The following CSGALNACT1 variants were observed in gnomAD, a reference collection of about 807,000 sequenced individuals.
CSGALNACT1 encodes beta4GalNAcT-1.
In CSGALNACT1, 52 loss-of-function variants were observed where a neutral mutation model predicts 51.0. The observed-to-expected ratio is 1.02, with a 90% confidence interval of 0.82 to 1.29. The LOEUF is 1.29. CSGALNACT1 is among the 50% of genes most tolerant of loss of function. The probability of loss-of-function intolerance (pLI) is 0.00; values close to 1 mark genes in which losing one functional copy is unlikely to be tolerated. For synonymous variants in CSGALNACT1, 341 were observed against 254.4 expected (o/e 1.34, Z -3.24); for missense variants, 935 against 679.2 (o/e 1.38, Z -4.19).
chr8:19,675,646 C>T (rs2060121693), intron 1 of CSGALNACT1, among the ~76,000 whole-genome samples: 1 of 152,118 alleles, frequency 6.6e-6, no homozygotes, highest in Non-Finnish European at 1.5e-5. Context: ...GCACGTGCCA[C>T]CACATCCAGC....
chr8:19,682,924 T>TTACC (rs1191846418), upstream of CSGALNACT1: 4 of 339,862 alleles, frequency 1.2e-5, no homozygotes, highest in Non-Finnish European at 5.9e-6. Context: ...GAAATCCCAA[T>TTACC]TACCTGTACT....
chr8:19,626,473 A>G (rs2054471412), intron 1 of CSGALNACT1, among the ~76,000 whole-genome samples: 1 of 152,212 alleles, frequency 6.6e-6, no homozygotes. Context: ...AAAATGGTAA[A>G]TGTAAAAATA....
At chr8:19,656,793 T>G (rs916754904) in intron 1 of CSGALNACT1, among the ~76,000 whole-genome samples, 1 of 152,186 alleles carries the variant, frequency 6.6e-6, no homozygotes, top group Non-Finnish European at 1.5e-5. Flanking sequence ...GTAGGCCAGA[T>G]GCAGTGGCTC....
chr8:19,670,905 T>C (rs1393954475), intron 1 of CSGALNACT1, among the ~76,000 whole-genome samples: 1 of 152,178 alleles, frequency 6.6e-6, no homozygotes, highest in Non-Finnish European at 1.5e-5. Context: ...CACTGTGTGC[T>C]TGGCCTACTC....
chr8:19,745,948 C>A (rs2064632790), intron 1 of CSGALNACT1, among the ~76,000 whole-genome samples: 1 of 152,072 alleles, frequency 6.6e-6, no homozygotes. Flanking sequence ...AGCAGGTGGT[C>A]ACTTAGGCAA....
rs73602829 is a variant in CSGALNACT1, at chr8:19,718,873, G to A, written c.-297+38977C>T. On this transcript the variant is annotated intron_variant, in intron 1 of 1. Transcript: ENST00000517494. ...AGGAATGAACTTCCTCTCTCATCTG[G>A]ATTCCTGTAACCCAAATTCCCCATC... Among the ~76,000 whole-genome samples the A allele has an allele frequency of 4.2e-3, 644 of 152,254 alleles. 6 individuals are homozygous for A. The highest frequency in any genetic ancestry group is 0.014 in the African/African-American group (576 of 41,540).
At chr8:19,487,262 C>T (rs1443389088) in intron 4 of CSGALNACT1, among the ~76,000 whole-genome samples, 1 of 152,196 alleles carries the variant, frequency 6.6e-6, no homozygotes, top group Non-Finnish European at 1.5e-5. Context: ...AACAATTTCA[C>T]TCCCACCAAC....
chr8:19,413,134 C>T (rs1387556659), intron 8 of CSGALNACT1, among the ~76,000 whole-genome samples: 2 of 152,300 alleles, frequency 1.3e-5, no homozygotes, highest in East Asian at 3.9e-4. Flanking sequence ...TCCTGTAAGT[C>T]TTTTCTAGGT....
At chr8:19,711,331 G>A (rs1408787982) in intron 1 of CSGALNACT1, among the ~76,000 whole-genome samples, 1 of 152,138 alleles carries the variant, frequency 6.6e-6, no homozygotes, top group Non-Finnish European at 1.5e-5. Flanking sequence ...TCCTGCAGGA[G>A]GGTGGGGCAA....
rs545668553 is a variant in CSGALNACT1 at position 19,747,908 on chromosome 8, A to G, written c.-297+9942T>C. Among the ~76,000 whole-genome samples the G allele has an allele frequency of 2.6e-5, 4 of 152,342 alleles. No homozygotes were observed. The South Asian group carries it at 8.3e-4, about 32-fold the overall frequency. On this transcript the variant is annotated intron_variant, in intron 1 of 1. Coordinates refer to the CSGALNACT1 transcript ENST00000517494. ...ATTCAGGCCCAGAAATAAATGGGCCATAAGTTTAGTTAAAAGATGAAAGAA... is the reference window on the plus strand; with the variant it reads ...ATTCAGGCCCAGAAATAAATGGGCCGTAAGTTTAGTTAAAAGATGAAAGAA...
intron 1 of CSGALNACT1, among the ~76,000 whole-genome samples, chr8:19,647,928 A>T (rs376545485): frequency 6.6e-6 from 1 of 152,208 alleles, no homozygotes; most frequent in African/African-American, 2.4e-5. Context: ...TGTTGTGCCA[A>T]TCTCAGACCC....
chr8:19,532,761 C>T (rs1395627786), intron 3 of CSGALNACT1, among the ~76,000 whole-genome samples: 3 of 152,136 alleles, frequency 2.0e-5, no homozygotes, highest in Non-Finnish European at 4.4e-5. Context: ...GGCTGGTTAA[C>T]CCTTGGCGAG....
chr8:19,496,792 T>C (rs2153976253), intron 4 of CSGALNACT1, among the ~76,000 whole-genome samples: 1 of 152,222 alleles, frequency 6.6e-6, no homozygotes, highest in Middle Eastern at 3.4e-3. Flanking sequence ...TCAGTGCAGA[T>C]GAGTAGGGCA....
At chr8:19,547,157 A>G (rs772982121) in intron 3 of CSGALNACT1, among the ~76,000 whole-genome samples, 4 of 152,212 alleles carry the variant, frequency 2.6e-5, no homozygotes, top group Admixed American at 1.3e-4. Context: ...CCATGATGCC[A>G]CAGGACAAAG....
chr8:19,571,750 C>T (rs2043091701), intron 3 of CSGALNACT1, among the ~76,000 whole-genome samples: 1 of 152,178 alleles, frequency 6.6e-6, no homozygotes, highest in African/African-American at 2.4e-5. Flanking sequence ...ACTGACTTTT[C>T]AGAGCTTTAA....
chr8:19,560,663 CA>C (rs2040501505), intron 3 of CSGALNACT1, among the ~76,000 whole-genome samples: 1 of 152,162 alleles, frequency 6.6e-6, no homozygotes, highest in African/African-American at 2.4e-5. Flanking sequence ...AATAAAACCA[CA>C]AAGAGATATG....
chr8:19,636,655 T>C (rs533115692), intron 1 of CSGALNACT1, among the ~76,000 whole-genome samples: 79 of 152,324 alleles, frequency 5.2e-4, no homozygotes, highest in African/African-American at 1.8e-3. Context: ...ACTACCCTGG[T>C]GTCACATACA....
chr8:19,521,165 G>C (rs903380959), intron 3 of CSGALNACT1, among the ~76,000 whole-genome samples: 2 of 152,158 alleles, frequency 1.3e-5, no homozygotes, highest in African/African-American at 4.8e-5. Flanking sequence ...CTAGCCAGCT[G>C]TCTAAGATTT....
At chr8:19,663,570 T>C (rs1675722601) in intron 1 of CSGALNACT1, among the ~76,000 whole-genome samples, 1 of 152,192 alleles carries the variant, frequency 6.6e-6, no homozygotes, top group Admixed American at 6.5e-5. Context: ...ATTCTAGAGC[T>C]GACAGCCTGG....
Sources: allele counts gnomAD v4.1 joint callset (sites outside exome capture counted in the v4.1 genomes callset), GRCh38; gene constraint gnomAD v4.1.1; transcripts MANE v1.5; gene names NCBI Gene and HGNC (gene_info 2026-07-23, HGNC 2026-07-21).